RAD51B: variants seen among roughly 807,000 people sequenced by gnomAD.
RAD51B encodes DNA repair protein RAD51 homolog 2.
RAD51B carries 38 observed loss-of-function variants against 42.2 expected under a neutral mutation model. The ratio of observed to expected loss-of-function variants is 0.90; its 90% CI spans 0.70 to 1.18. The LOEUF is 1.18. RAD51B is among the 50% of genes most tolerant of loss of function. The pLI is 0.00. For missense variants in RAD51B, 373 were observed against 400.7 expected (o/e 0.93, Z 0.59); for synonymous variants, 154 against 145.2 (o/e 1.06, Z -0.43).
intron 7 of RAD51B, among the ~76,000 whole-genome samples, chr14:68,194,803 A>G (rs1212493109): frequency 1.3e-5 from 2 of 152,206 alleles, no homozygotes; most frequent in African/African-American, 2.4e-5. Context: ...CTTTTATAGT[A>G]TGATTATAAT....
intron 10 of RAD51B, among the ~76,000 whole-genome samples, chr14:68,522,865 GA>G (rs1424443985): frequency 6.6e-6 from 1 of 152,146 alleles, no homozygotes; most frequent in Admixed American, 6.5e-5. Flanking sequence ...ATTTTGCATT[GA>G]AAATCAAGGC....
chr14:68,220,417 C>A (rs1010212127), intron 7 of RAD51B, among the ~76,000 whole-genome samples: 12 of 152,156 alleles, frequency 7.9e-5, no homozygotes, highest in African/African-American at 2.4e-4. Flanking sequence ...ATCCAGCATC[C>A]CTTTATGATT....
chr14:68,524,161 G>C (rs1022247780), intron 10 of RAD51B, among the ~76,000 whole-genome samples: 2 of 152,182 alleles, frequency 1.3e-5, no homozygotes, highest in Admixed American at 1.3e-4. Context: ...CATTGAGACA[G>C]AGGTCAAGCC....
At chr14:68,259,205 C>G (rs942979019) in intron 7 of RAD51B, among the ~76,000 whole-genome samples, 2 of 147,200 alleles carry the variant, frequency 1.4e-5, no homozygotes, top group African/African-American at 5.0e-5. Context: ...GAACGAAATG[C>G]AAAGCAAGGG....
At chr14:68,412,040 G>A (rs2084434998) in intron 9 of RAD51B, among the ~76,000 whole-genome samples, 1 of 152,130 alleles carries the variant, frequency 6.6e-6, no homozygotes, top group Admixed American at 6.5e-5. Context: ...CCAAATGGTT[G>A]GTCACTTTCT....
chr14:67,897,355 G>C (rs189995594), intron 7 of RAD51B, among the ~76,000 whole-genome samples: 1 of 151,868 alleles, frequency 6.6e-6, no homozygotes, highest in Non-Finnish European at 1.5e-5. Context: ...GATGATAAAG[G>C]GTTAATATCC....
chr14:68,660,739 A>C lies in RAD51B; in HGVS notation c.*11+9883A>C, dbSNP rs574080874. ...CAGAATGTTTAGGGGAAGGGGAGAA[A>C]CTAGGCAATGCTCCCAGAGGGGGCG... On this transcript the variant is annotated intron_variant, in intron 11 of 11. Transcript: ENST00000488612. 2.6e-4 allele frequency among the ~76,000 whole-genome samples: 39 copies of C among 152,324 alleles called. 1 individual carries two copies. Among genetic ancestry groups the C allele is most frequent in the African/African-American group, 9.4e-4 (39 of 41,562 alleles).
chr14:68,012,193 A>G (rs910972043), intron 7 of RAD51B, among the ~76,000 whole-genome samples: 4 of 152,138 alleles, frequency 2.6e-5, no homozygotes, highest in Admixed American at 6.6e-5. Context: ...TTAGTGGATA[A>G]TAATAAGCTA....
At chr14:68,113,297 C>T (rs2077488166) in intron 7 of RAD51B, among the ~76,000 whole-genome samples, 1 of 152,010 alleles carries the variant, frequency 6.6e-6, no homozygotes, top group African/African-American at 2.4e-5. Flanking sequence ...TCGAAGAAAA[C>T]AACTCATAAG....
At position 67,965,291 on chromosome 14, in the gene RAD51B, C is replaced by T. The variant is rs76705174; in HGVS notation, c.756+78087C>T. ...CTTCACAACCAATCTGTCAACAAGT[C>T]CTGTTTCTTCTATCACTAAAATTGC... On this transcript the variant is annotated intron_variant, in intron 7 of 10. Transcript: ENST00000471583. Among the ~76,000 whole-genome samples, 83 of 152,280 alleles carry T rather than the reference C, an allele frequency of 5.5e-4. No homozygotes were observed. In the East Asian group the frequency reaches 0.015, roughly 28 times the overall value.
intron 7 of RAD51B, among the ~76,000 whole-genome samples, chr14:68,030,533 C>G (rs1187663253): frequency 6.6e-6 from 1 of 152,192 alleles, no homozygotes; most frequent in Non-Finnish European, 1.5e-5. Context: ...CCTCTCTCAG[C>G]CTTCATAGAA....
chr14:68,139,861 C>G (rs1209191469), intron 7 of RAD51B, among the ~76,000 whole-genome samples: 1 of 152,134 alleles, frequency 6.6e-6, no homozygotes, highest in Non-Finnish European at 1.5e-5. Flanking sequence ...CTGTTTTTGG[C>G]GAGGACAGGC....
At chr14:68,347,794 T>G (rs2082704492) in intron 8 of RAD51B, among the ~76,000 whole-genome samples, 2 of 152,238 alleles carry the variant, frequency 1.3e-5, no homozygotes, top group African/African-American at 4.8e-5. Flanking sequence ...TGATCTTTAT[T>G]AAAACACCCA....
chr14:68,258,751 T>C (rs2139532041), intron 7 of RAD51B, among the ~76,000 whole-genome samples: 1 of 152,240 alleles, frequency 6.6e-6, no homozygotes, highest in Non-Finnish European at 1.5e-5. Flanking sequence ...CCCCATGAGA[T>C]AGTTTACTAG....
chr14:68,338,555 A>G (rs1430584700), intron 8 of RAD51B, among the ~76,000 whole-genome samples: 3 of 152,138 alleles, frequency 2.0e-5, no homozygotes, highest in Non-Finnish European at 2.9e-5. Flanking sequence ...ATCCAACCAG[A>G]CAACATGGCT....
exon 11 of RAD51B, chr14:68,595,614 C>T: frequency 1.9e-6 from 2 of 1,063,734 alleles, no homozygotes; most frequent in Non-Finnish European, 2.3e-6. Context: ...GAGTCAGTCT[C>T]CCCAATGTCT....
chr14:67,890,512 C>T (rs1227404211), intron 7 of RAD51B, among the ~76,000 whole-genome samples: 2 of 151,600 alleles, frequency 1.3e-5, no homozygotes, highest in South Asian at 4.1e-4. Context: ...GCACAATGTG[C>T]AGGTTAGTTA....
At chr14:68,079,568 T>G (rs1238473581) in intron 7 of RAD51B, among the ~76,000 whole-genome samples, 1 of 152,194 alleles carries the variant, frequency 6.6e-6, no homozygotes, top group Non-Finnish European at 1.5e-5. Flanking sequence ...GCAGTATTGG[T>G]AAATATTTTA....
intron 10 of RAD51B, chr14:68,563,051 C>G (rs1889234455): frequency 1.0e-6 from 1 of 985,480 alleles, no homozygotes; most frequent in Non-Finnish European, 1.2e-6. Flanking sequence ...GGCCGCTTCT[C>G]TAGCCAGTGG....
Sources: gnomAD v4.1 joint callset for allele counts (sites outside exome capture counted in the v4.1 genomes callset) on GRCh38, gnomAD v4.1.1 for gene constraint, MANE v1.5 for transcripts, NCBI Gene and HGNC (gene_info 2026-07-23, HGNC 2026-07-21) for gene names.